The following CHD8 variants were observed in gnomAD, a reference collection of about 807,000 sequenced individuals.
CHD8 encodes ATP-dependent chromatin remodeler CHD8.
A neutral mutation model predicts 279.2 loss-of-function variants in CHD8; 31 were observed. The observed-to-expected ratio is 0.11, with a 90% confidence interval of 0.08 to 0.15. The LOEUF (loss-of-function observed/expected upper bound fraction) is 0.15, where lower values mean the gene tolerates loss of function less well. CHD8 is among the 10% of genes least tolerant of loss of function. The probability of loss-of-function intolerance (pLI) is 1.00; values close to 1 mark genes in which losing one functional copy is unlikely to be tolerated. For missense variants in CHD8, 2,146 were observed against 3,230.5 expected, an observed-to-expected ratio of 0.66 and a Z score of 8.14; for synonymous variants, 1,081 against 1,139.6, an observed-to-expected ratio of 0.95 and a Z score of 1.04.
At chr14:21,392,405 A>G (rs1646816823) in intron 34 of CHD8, 102 bp downstream of exon 34, 1 of 1,173,098 alleles carries the variant, frequency 8.5e-7, no homozygotes, top group African/African-American at 1.5e-5. Flanking sequence ...TCATTTTTAA[A>G]ATTAGCTAAC....
intron 5 of CHD8, among the ~76,000 whole-genome samples, chr14:21,422,316 G>A (rs1889080686): frequency 6.6e-6 from 1 of 152,104 alleles, no homozygotes; most frequent in Admixed American, 6.6e-5. Flanking sequence ...ACTCCAGCCT[G>A]GAGACCCTGT....
chr14:21,406,565 C>G (rs549429477), intron 14 of CHD8, among the ~76,000 whole-genome samples: 2 of 152,288 alleles, frequency 1.3e-5, no homozygotes, highest in South Asian at 4.1e-4. Flanking sequence ...GCTAGAAGAT[C>G]ATGAAAAATA....
intron 37 of CHD8, among the ~76,000 whole-genome samples, chr14:21,387,934 A>G (rs969518970): frequency 6.6e-6 from 1 of 152,152 alleles, no homozygotes; most frequent in Non-Finnish European, 1.5e-5. Context: ...AGGTAAAAAT[A>G]GGTAACAGTG....
chr14:21,451,253 T>C (rs1216278390), intron 1 of CHD8, among the ~76,000 whole-genome samples: 1 of 152,112 alleles, frequency 6.6e-6, no homozygotes, highest in Non-Finnish European at 1.5e-5. Flanking sequence ...TTCCTGGATC[T>C]TTCCCTGCTG....
At chr14:21,443,847 C>A (rs1890046820) in intron 1 of CHD8, among the ~76,000 whole-genome samples, 1 of 132,758 alleles carries the variant, frequency 7.5e-6, no homozygotes, top group African/African-American at 2.9e-5. Context: ...CAGAGCGAGA[C>A]TCCGTCTCAA....
In CHD8 at chr14:21,415,795, G is replaced by C. The variant is rs1566433762; in HGVS notation, c.1829C>G (p.Pro610Arg). ...CACTGGTTCAGGGAGGATAGGCTCA[G>C]GTTTTATTGGACCAGTTACATCCAC... ...EEVDVTGPIKPEPILPEPVQE... is the reference protein window; with the variant it reads ...EEVDVTGPIKREPILPEPVQE... Residue 610 changes from proline (P) to arginine (R), a missense_variant, in exon 6 of 38, where the codon CCT becomes CGT. Coordinates refer to ENST00000646647, the MANE Select transcript of CHD8 (RefSeq NM_001170629.2). The C allele has an allele frequency of 3.1e-6, 5 of 1,613,894 alleles. No homozygotes were observed. The highest frequency in any genetic ancestry group is 4.2e-6 in the Non-Finnish European group (5 of 1,179,844).
At position 21,402,957 on chromosome 14, in the gene CHD8, T is replaced by C. The variant is rs1037654194; in HGVS notation, c.3714+60A>G. On this transcript the variant is annotated intron_variant, in intron 18 of 37. Transcript: ENST00000646647. The surrounding 1 kb of genome is among the most constrained non-coding windows in gnomAD (Gnocchi z 4.5). ...TGAAAGGTCTTTCTAAAAGATCCTA[T>C]TCTTGTTGAAAAATCTCCCAAGTTA... 1 of 1,397,120 alleles carries C rather than the reference T, an allele frequency of 7.2e-7. No homozygotes were observed. Among genetic ancestry groups the C allele is most frequent in the Non-Finnish European group, 9.9e-7 (1 of 1,007,802 alleles). 86.5% of individuals were successfully genotyped at this position (1,397,120 alleles called of 1,614,324 possible). A position where few individuals can be genotyped will look rare whatever the true frequency, so the allele number is the denominator to read the frequency against.
rs936496371 is a variant in CHD8 at position 21,385,277 on chromosome 14, GC to G, written c.*335del. The G allele has an allele frequency of 3.8e-5, 11 of 289,136 alleles. No individual in the cohort carries two copies. The highest frequency in any genetic ancestry group is 3.7e-4 in the Admixed American group (8 of 21,548). The allele number at this position is 289,136 out of a possible 1,614,324, so 17.9% of individuals were successfully genotyped here. A position where few individuals can be genotyped will look rare whatever the true frequency, so the allele number is the denominator to read the frequency against. On this transcript the variant is annotated 3_prime_UTR_variant, in exon 38 of 38. Coordinates refer to ENST00000646647, the MANE Select transcript of CHD8 (RefSeq NM_001170629.2). The stretch of plus-strand genomic sequence containing the variant: ...ACCCTCCAGCTGTATCCACAGTTCG[GC>G]CAGGAACAGGCTCTGCCAGAGGCTA...
chr14:21,413,183 C>T (rs1888575246), intron 9 of CHD8, among the ~76,000 whole-genome samples, 187 bp from the exon 10 acceptor site: 1 of 152,200 alleles, frequency 6.6e-6, no homozygotes, highest in Non-Finnish European at 1.5e-5. Context: ...TACCTGACTT[C>T]TCACCTGCTA....
chr14:21,386,532 A>G (rs945013242), intron 37 of CHD8, among the ~76,000 whole-genome samples: 6 of 152,176 alleles, frequency 3.9e-5, no homozygotes, highest in African/African-American at 1.2e-4. Flanking sequence ...GAATTAGTAA[A>G]TGCACATAAA....
rs780336972 is a variant in CHD8 at position 21,428,171 on chromosome 14, T to G, written c.1299A>C (p.Pro433=). The G allele has an allele frequency of 4.3e-6, 7 of 1,614,026 alleles. No individual in the cohort carries two copies. The Admixed American group carries it at 1.2e-4, about 27-fold the overall frequency. The change falls in exon 4 of 38, where the codon CCA becomes CCC. Residue 433 remains proline (P), a synonymous_variant. Coordinates refer to ENST00000646647, the MANE Select transcript of CHD8 (RefSeq NM_001170629.2). ...SASEVAALSS[P]ASSAPHSGGK... Reference sequence around the variant, plus strand: ...CCCCCGAATGAGGAGCAGAGCTTGCTGGTGATGACAAAGCTGCCACTTCAC... The same window carrying G: ...CCCCCGAATGAGGAGCAGAGCTTGCGGGTGATGACAAAGCTGCCACTTCAC...
At chr14:21,430,604 G>A in intron 2 of CHD8, 197 bp downstream of exon 2, 1 of 563,308 alleles carries the variant, frequency 1.8e-6, no homozygotes, top group African/African-American at 1.9e-5. Flanking sequence ...TGTGTAGTAA[G>A]AGCTCAAAAA....
chr14:21,437,624 C>T (rs1462004897), intron 1 of CHD8, among the ~76,000 whole-genome samples: 1 of 152,168 alleles, frequency 6.6e-6, no homozygotes, highest in Non-Finnish European at 1.5e-5. Context: ...TCTGAATCCC[C>T]GGCCTTCTAG....
intron 9 of CHD8, among the ~76,000 whole-genome samples, chr14:21,413,304 G>A (rs1021796835): frequency 5.9e-5 from 9 of 151,694 alleles, no homozygotes; most frequent in Admixed American, 1.3e-4. Context: ...ATAAATACAC[G>A]TATATGTTCC....
At position 21,394,936 on chromosome 14, in the gene CHD8, A is replaced by G. The variant is rs1887711941; in HGVS notation, c.5366T>C (p.Ile1789Thr). 1.2e-6 allele frequency: 2 copies of G among 1,613,916 alleles called. No individual in the cohort carries two copies. Among genetic ancestry groups the G allele is most frequent in the East Asian group, 2.2e-5 (1 of 44,884 alleles). ...RCEAAFKLKE[I>T]ARREKQQRWT... is the part of the protein sequence containing the mutation. The stretch of plus-strand genomic sequence containing the variant: ...CCGTTGTTGTTTCTCCCGCCGTGCA[A>G]TTTCTTTCAGCTTGAAGGCTGCTTC... Residue 1789 changes from isoleucine to threonine, a missense_variant, in exon 30 of 38, where the codon ATT becomes ACT. By Grantham distance (89) the Ile-to-Thr change is moderately conservative (BLOSUM62 -1). Coordinates refer to ENST00000646647, the MANE Select transcript of CHD8 (RefSeq NM_001170629.2).
At chr14:21,415,450 T>C (rs1284193118) in intron 7 of CHD8, 124 bp downstream of exon 7, 11 of 465,346 alleles carry the variant, frequency 2.4e-5, no homozygotes, top group Non-Finnish European at 3.0e-5. Flanking sequence ...GCTACGATCA[T>C]ATCTATGAAT....
rs1887938004 is a variant in CHD8 at position 21,399,477 on chromosome 14, C to G, written c.4921+125G>C. 5.8e-6 allele frequency: 4 copies of G among 694,996 alleles called. No individual in the cohort carries two copies. The South Asian group carries it at 6.6e-5, about 11-fold the overall frequency. The allele number at this position is 694,996 out of a possible 1,614,324, so 43.1% of individuals were successfully genotyped here. A position where few individuals can be genotyped will look rare whatever the true frequency, so the allele number is the denominator to read the frequency against. The stretch of plus-strand genomic sequence containing the variant: ...GCTCTGGATATTTAAGAACTACTTT[C>G]CTACTCAAATTTATTGAAGATCAAT... On this transcript the variant is annotated intron_variant, in intron 26 of 37. Transcript: ENST00000646647.
chr14:21,406,880 A>T lies in CHD8; in HGVS notation c.2883T>A (p.Leu961=). 1 of 1,613,602 alleles carries T rather than the reference A, an allele frequency of 6.2e-7. No homozygotes were observed. Among genetic ancestry groups the T allele is most frequent in the Non-Finnish European group, 8.5e-7 (1 of 1,179,730 alleles). Residue 961 remains leucine, a synonymous_variant, in exon 14 of 38, where the codon CTT becomes CTA. Coordinates refer to ENST00000646647, the MANE Select transcript of CHD8 (RefSeq NM_001170629.2). The part of the protein sequence containing the change: ...HRLKNRNCKL[L]DSLKHMDLEH... ...CCAGGTCCATGTGCTTGAGACTATC[A>T]AGCAGCTTGCAATTACGGTTTTTCA...
At chr14:21,386,437 T>C in intron 37 of CHD8, 1 of 527,604 alleles carries the variant, frequency 1.9e-6, no homozygotes, top group Non-Finnish European at 3.4e-6. Flanking sequence ...TTGCTTCTTT[T>C]CCCCATGACT....
Sources: allele counts gnomAD v4.1 joint callset (sites outside exome capture counted in the v4.1 genomes callset), GRCh38; gene constraint gnomAD v4.1.1; non-coding constraint Gnocchi (gnomAD v3.1); transcripts MANE v1.5; gene names NCBI Gene and HGNC (gene_info 2026-07-23, HGNC 2026-07-21).